The following MS4A8 variants were observed in gnomAD, a reference collection of about 807,000 sequenced individuals.
MS4A8 encodes the protein membrane spanning 4-domains A8.
MS4A8 carries 27 observed loss-of-function variants against 23.7 expected under a neutral mutation model. The observed-to-expected ratio is 1.14, with a 90% CI of 0.84 to 1.57. The LOEUF is 1.57. Among genes scored for constraint, MS4A8 ranks in the 40% most tolerant of loss-of-function variants. The probability of loss-of-function intolerance (pLI) is 0.00; values close to 1 mark genes in which losing one functional copy is unlikely to be tolerated. For synonymous variants in MS4A8, 138 were observed against 126.3 expected, an observed-to-expected ratio of 1.09 and a Z score of -0.62; for missense variants, 301 against 311.4, an observed-to-expected ratio of 0.97 and a Z score of 0.25.
In MS4A8 at chr11:60,703,496, T is replaced by C. The variant is rs1461702963; in HGVS notation, c.338T>C (p.Leu113Ser). Reference sequence around the variant, plus strand: ...GGAGGCTTTCCCTTCTGGGGAGGCTTGTGGGTGAGTAACTCAAGTCCTCCT... The same window carrying C: ...GGAGGCTTTCCCTTCTGGGGAGGCTCGTGGGTGAGTAACTCAAGTCCTCCT... ...FYGGFPFWGGLWFIISGSLSV... is the reference protein window; with the variant it reads ...FYGGFPFWGGSWFIISGSLSV... Residue 113 changes from leucine to serine, a missense_variant, in exon 3 of 7, where the codon TTG becomes TCG. By Grantham distance (145) the Leu-to-Ser change is moderately radical. Coordinates refer to ENST00000300226, the MANE Select transcript of MS4A8 (RefSeq NM_031457.2). 2 of 1,607,392 alleles carry C rather than the reference T, an allele frequency of 1.2e-6. No individual in the cohort carries two copies. Among genetic ancestry groups the C allele is most frequent in the African/African-American group, 2.7e-5 (2 of 74,458 alleles).
At chr11:60,714,375 G>A (rs1036565423) in intron 5 of MS4A8, among the ~76,000 whole-genome samples, 14 of 152,162 alleles carry the variant, frequency 9.2e-5, no homozygotes, top group Admixed American at 4.6e-4. Context: ...ACAGCAGCTC[G>A]AGGCAGAAGA....
At position 60,715,408 on chromosome 11, in the gene MS4A8, T is replaced by C; in HGVS notation, c.747T>C (p.Asn249=). The C allele has an allele frequency of 6.2e-7, 1 of 1,612,292 alleles. No individual in the cohort carries two copies. ...GTTATTCCAGTGAGATCCAAGCAAA[T>C]AAGTAAGGCTACAGATTCTGGAAGC... ...PPSYSSEIQA[N]K is the part of the protein sequence containing the mutation. Residue 249 remains asparagine, a synonymous_variant, in exon 7 of 7, where the codon AAT becomes AAC. Transcript: ENST00000300226.
chr11:60,715,042 G>A lies in MS4A8; in HGVS notation c.556G>A (p.Gly186Ser). ...WGVNPGMAIS[G>S]VLLVFCLLEF... ...ACAGAACCCTGGAATGGCGATTTCTGGCGTGCTGCTGGTCTTCTGCCTCCT... is the reference window on the plus strand; with the variant it reads ...ACAGAACCCTGGAATGGCGATTTCTAGCGTGCTGCTGGTCTTCTGCCTCCT... Residue 186 changes from glycine (G) to serine (S), a missense_variant, in exon 6 of 7, where the codon GGC (glycine) becomes AGC (serine). Physicochemically the swap from Gly to Ser is moderately conservative, Grantham distance 56. Transcript: ENST00000300226. 1 of 1,614,050 alleles carries A rather than the reference G, an allele frequency of 6.2e-7. No individual in the cohort carries two copies. The highest frequency in any genetic ancestry group is 8.5e-7 in the Non-Finnish European group (1 of 1,179,962).
At chr11:60,708,037 G>A (rs549566508) in intron 4 of MS4A8, among the ~76,000 whole-genome samples, 4 of 151,786 alleles carry the variant, frequency 2.6e-5, no homozygotes, top group African/African-American at 7.2e-5. Context: ...TGGTAGAGAC[G>A]GAGTTTTGCC....
chr11:60,712,235 C>A, intron 5 of MS4A8: 1 of 699,606 alleles, frequency 1.4e-6, no homozygotes, highest in Non-Finnish European at 1.8e-6. Flanking sequence ...GAACCTCTCC[C>A]TCCTCAGTGC....
rs989879902 is a variant in MS4A8 at position 60,699,705 on chromosome 11, A to G, written c.-72A>G. On this transcript the variant is annotated 5_prime_UTR_variant, in exon 1 of 7. Transcript: ENST00000300226. Reference sequence around the variant, plus strand: ...GCCCCAGTACATTCATTCTCTCAGGAAAAAAAACAAGGTCCCCACAGCAAA... The same window carrying G: ...GCCCCAGTACATTCATTCTCTCAGGGAAAAAAACAAGGTCCCCACAGCAAA... 4 of 152,202 alleles carry G rather than the reference A, an allele frequency of 2.6e-5. No homozygotes were observed. The highest frequency in any genetic ancestry group is 2.6e-4 in the Admixed American group (4 of 15,252). 9.4% of individuals were successfully genotyped at this position (152,202 alleles called of 1,614,324 possible).
At chr11:60,708,110 A>G (rs2088272406) in intron 4 of MS4A8, among the ~76,000 whole-genome samples, 1 of 152,134 alleles carries the variant, frequency 6.6e-6, no homozygotes, top group Non-Finnish European at 1.5e-5. Flanking sequence ...AGCCTCCCAA[A>G]GTGCTGGGAT....
intron 4 of MS4A8, among the ~76,000 whole-genome samples, 165 bp downstream of exon 4, chr11:60,707,212 C>G (rs1214167305): frequency 6.6e-6 from 1 of 152,114 alleles, no homozygotes; most frequent in East Asian, 1.9e-4. Flanking sequence ...GCCACAGGAG[C>G]CTGGCCCTGG....
At chr11:60,710,139 T>C (rs1355490276) in intron 5 of MS4A8, among the ~76,000 whole-genome samples, 1 of 152,212 alleles carries the variant, frequency 6.6e-6, no homozygotes, top group African/African-American at 2.4e-5. Context: ...TTTCCCAATC[T>C]CTTAGGCTCA....
At chr11:60,712,214 T>C in intron 5 of MS4A8, 1 of 523,210 alleles carries the variant, frequency 1.9e-6, no homozygotes, top group Non-Finnish European at 2.5e-6. Context: ...TCTAAATCCC[T>C]TCATGACAAT....
At position 60,715,078 on chromosome 11, in the gene MS4A8, ATCGCATGCGCATCT is replaced by A; in HGVS notation, c.595_608del (p.Ala199ProfsTer42). ...GGTCTTCTGCCTCCTGGAGTTTGGC[ATCGCATGCGCATCT>A]TCCCACTTTGGCTGCCAGTTGGTCT... On this transcript the variant is annotated frameshift_variant, in exon 6 of 7. Transcript: ENST00000300226. LOFTEE classifies it high-confidence loss of function. The A allele has an allele frequency of 6.2e-7, 1 of 1,614,118 alleles. No individual in the cohort carries two copies. The highest frequency in any genetic ancestry group is 8.5e-7 in the Non-Finnish European group (1 of 1,180,020).
chr11:60,707,150 C>G, intron 4 of MS4A8, 103 bp downstream of exon 4: 1 of 1,060,474 alleles, frequency 9.4e-7, no homozygotes, highest in Non-Finnish European at 1.5e-6. Flanking sequence ...AGCCTTGCAC[C>G]TACTATAACC....
chr11:60,702,136 A>T (rs1019983796), intron 2 of MS4A8, among the ~76,000 whole-genome samples: 3 of 152,222 alleles, frequency 2.0e-5, no homozygotes, highest in East Asian at 1.9e-4. Context: ...ATCGTAAATT[A>T]AAAATATCAT....
At position 60,715,048 on chromosome 11, in the gene MS4A8, C is replaced by T; in HGVS notation, c.562C>T (p.Leu188=). Residue 188 remains leucine (L), a synonymous_variant, in exon 6 of 7, where the codon CTG becomes TTG. Transcript: ENST00000300226. Reference sequence around the variant, plus strand: ...CCCTGGAATGGCGATTTCTGGCGTGCTGCTGGTCTTCTGCCTCCTGGAGTT... The same window carrying T: ...CCCTGGAATGGCGATTTCTGGCGTGTTGCTGGTCTTCTGCCTCCTGGAGTT... ...VNPGMAISGV[L]LVFCLLEFGI... 1 of 1,614,122 alleles carries T rather than the reference C, an allele frequency of 6.2e-7. No individual in the cohort carries two copies. The highest frequency in any genetic ancestry group is 8.5e-7 in the Non-Finnish European group (1 of 1,180,000).
In MS4A8 at chr11:60,715,502, C is replaced by A; in HGVS notation, c.*88C>A. ...TTCCATAACCCAGGTCGTTCCTGTTCTGACAGCTGAGGAAACGTCTCTCCC... is the reference window on the plus strand; with the variant it reads ...TTCCATAACCCAGGTCGTTCCTGTTATGACAGCTGAGGAAACGTCTCTCCC... On this transcript the variant is annotated 3_prime_UTR_variant, in exon 7 of 7. Coordinates refer to ENST00000300226, the MANE Select transcript of MS4A8 (RefSeq NM_031457.2). 1 of 976,488 alleles carries A rather than the reference C, an allele frequency of 1.0e-6. No individual in the cohort carries two copies. Among genetic ancestry groups the A allele is most frequent in the East Asian group, 2.5e-5 (1 of 39,570 alleles). 60.5% of individuals were successfully genotyped at this position (976,488 alleles called of 1,614,324 possible).
At position 60,712,371 on chromosome 11, in the gene MS4A8, G is replaced by T. The variant is rs1241276775; in HGVS notation, c.535-2650G>T. On this transcript the variant is annotated intron_variant, in intron 5 of 6. Transcript: ENST00000300226. ...TGCATTTCTTAGCCGCTTCTACCAA[G>T]CAGATGTTTAATAACCACTTGCTAA... The T allele has an allele frequency of 3.0e-6, 3 of 985,230 alleles. No individual in the cohort carries two copies. The African/African-American group carries it at 5.2e-5, about 17-fold the overall frequency. The allele number at this position is 985,230 out of a possible 1,614,324, so 61.0% of individuals were successfully genotyped here. A position where few individuals can be genotyped will look rare whatever the true frequency, so the allele number is the denominator to read the frequency against.
Position 60,708,702 on chromosome 11 carries a change from G to T in MS4A8, c.455G>T (p.Gly152Val). Residue 152 changes from glycine to valine, a missense_variant, in exon 5 of 7, where the codon GGA (glycine) becomes GTA (valine). Gly to Val is a moderately radical substitution (Grantham distance 109). Transcript: ENST00000300226. Reference protein sequence around the residue: ...NIVSAICSAVGVILFITDLSI... With the variant: ...NIVSAICSAVVVILFITDLSI... ...GTCAGTGCAATCTGCTCTGCAGTTG[G>T]AGTCATACTCTTCATCACAGATCTA... is the stretch of plus-strand genomic sequence containing the variant. The T allele has an allele frequency of 6.2e-7, 1 of 1,605,312 alleles. No homozygotes were observed. The highest frequency in any genetic ancestry group is 8.5e-7 in the Non-Finnish European group (1 of 1,176,712).
chr11:60,701,422 T>C (rs1210090351), intron 2 of MS4A8: 3 of 429,488 alleles, frequency 7.0e-6, no homozygotes, highest in African/African-American at 6.2e-5. Flanking sequence ...CAAGGTGGAG[T>C]CAGAATCCAA....
Position 60,715,431 on chromosome 11 carries a change from A to C in MS4A8, c.*17A>C, listed in dbSNP as rs768376862. 7 of 1,601,024 alleles carry C rather than the reference A, an allele frequency of 4.4e-6. No individual in the cohort carries two copies. Among genetic ancestry groups the C allele is most frequent in the Non-Finnish European group, 6.0e-6 (7 of 1,169,070 alleles). On this transcript the variant is annotated 3_prime_UTR_variant, in exon 7 of 7. Coordinates refer to ENST00000300226, the MANE Select transcript of MS4A8 (RefSeq NM_031457.2). ...AATAAGTAAGGCTACAGATTCTGGA[A>C]GCATCTTTCACTGGGACCAAAAGAA...
Sources: gnomAD v4.1 joint callset for allele counts (sites outside exome capture counted in the v4.1 genomes callset) on GRCh38, gnomAD v4.1.1 for gene constraint, MANE v1.5 for transcripts, NCBI Gene and HGNC (gene_info 2026-07-23, HGNC 2026-07-21) for gene names.